The following GLDC variants were observed in gnomAD, a reference collection of about 807,000 sequenced individuals.
The protein encoded by GLDC is glycine dehydrogenase (decarboxylating), mitochondrial.
Under a neutral mutation model 121.3 loss-of-function variants are expected in GLDC, and 104 were observed. That is an observed-to-expected ratio of 0.86 (90% CI 0.73 to 1.01). The LOEUF (loss-of-function observed/expected upper bound fraction) is 1.01, where lower values mean the gene tolerates loss of function less well. Ranked by LOEUF, GLDC falls within the 50% of genes least tolerant of loss-of-function variation. The pLI is 0.00. For synonymous variants in GLDC, 546 were observed against 480.6 expected (o/e 1.14, Z -1.78); for missense variants, 1,429 against 1,306.6 (o/e 1.09, Z -1.44).
At chr9:6,602,231 T>C in intron 7 of GLDC, 26 bp from the exon 8 acceptor site, 1 of 1,318,948 alleles carries the variant, frequency 7.6e-7, no homozygotes, top group Non-Finnish European at 1.1e-6. Context: ...GGCATCCAGT[T>C]AGCACAGATA....
chr9:6,605,445 C>A, intron 5 of GLDC, 167 bp from the exon 6 acceptor site: 1 of 688,916 alleles, frequency 1.5e-6, no homozygotes, highest in Admixed American at 2.1e-5. Flanking sequence ...AACTACATCA[C>A]AGCAACTCAA....
chr9:6,543,807 C>T (rs1253184411), intron 21 of GLDC, among the ~76,000 whole-genome samples: 2 of 151,550 alleles, frequency 1.3e-5, no homozygotes, highest in Non-Finnish European at 2.9e-5. Context: ...ACCAACTTTT[C>T]GTGTTAACAG....
chr9:6,545,886 C>G (rs1277894741), intron 21 of GLDC, among the ~76,000 whole-genome samples: 1 of 152,166 alleles, frequency 6.6e-6, no homozygotes, highest in Non-Finnish European at 1.5e-5. Context: ...AGTGATCTGC[C>G]CGCCTCAGCC....
intron 2 of GLDC, among the ~76,000 whole-genome samples, chr9:6,642,999 G>C (rs1355320100): frequency 6.6e-6 from 1 of 151,884 alleles, no homozygotes; most frequent in Non-Finnish European, 1.5e-5. Flanking sequence ...CCCAGCTCAA[G>C]TGTTTCTGCC....
At chr9:6,572,836 T>C (rs1040367589) in intron 15 of GLDC, among the ~76,000 whole-genome samples, 2 of 152,246 alleles carry the variant, frequency 1.3e-5, no homozygotes, top group African/African-American at 4.8e-5. Context: ...CAAGCCATTT[T>C]CTGTTGTTTG....
In GLDC at chr9:6,532,955, T is replaced by C; in HGVS notation, c.*62A>G. ...GCTGGGGTGGGAGATGAAATCTTTCTTGCTTATCAAATGCTCTGGGGAGAG... is the reference window on the plus strand; with the variant it reads ...GCTGGGGTGGGAGATGAAATCTTTCCTGCTTATCAAATGCTCTGGGGAGAG... On this transcript the variant is annotated 3_prime_UTR_variant, in exon 25 of 25. Coordinates refer to ENST00000321612, the MANE Select transcript of GLDC (RefSeq NM_000170.3). 1 of 1,210,760 alleles carries C rather than the reference T, an allele frequency of 8.3e-7. No individual in the cohort carries two copies. The allele number at this position is 1,210,760 out of a possible 1,614,324, so 75.0% of individuals were successfully genotyped here.
chr9:6,598,110 C>A (rs1271588811), intron 8 of GLDC, among the ~76,000 whole-genome samples: 1 of 152,146 alleles, frequency 6.6e-6, no homozygotes, highest in African/African-American at 2.4e-5. Flanking sequence ...CTCACTGCAG[C>A]CTGGACCTCC....
intron 2 of GLDC, among the ~76,000 whole-genome samples, chr9:6,622,038 C>G (rs1048964895): frequency 2.6e-5 from 4 of 152,086 alleles, no homozygotes; most frequent in African/African-American, 9.7e-5. Flanking sequence ...AAACCTAAGA[C>G]AGCAAACTGG....
chr9:6,580,535 A>T (rs1818153488), intron 15 of GLDC, among the ~76,000 whole-genome samples: 1 of 152,094 alleles, frequency 6.6e-6, no homozygotes, highest in Admixed American at 6.5e-5. Flanking sequence ...GAAGCCCTCT[A>T]ATTAGACCTT....
At chr9:6,536,523 C>CA (rs965560709) in intron 22 of GLDC, among the ~76,000 whole-genome samples, 3 of 151,960 alleles carry the variant, frequency 2.0e-5, no homozygotes, top group Non-Finnish European at 2.9e-5. Flanking sequence ...GCTAAACATT[C>CA]AAAAATATTA....
intron 4 of GLDC, among the ~76,000 whole-genome samples, chr9:6,609,373 C>T (rs540081367): frequency 2.0e-5 from 3 of 152,136 alleles, no homozygotes; most frequent in Non-Finnish European, 4.4e-5. Flanking sequence ...TATGGCACTT[C>T]CATGTAAGTG....
chr9:6,604,366 G>A (rs1451506265), intron 7 of GLDC, among the ~76,000 whole-genome samples: 1 of 152,158 alleles, frequency 6.6e-6, no homozygotes, highest in Non-Finnish European at 1.5e-5. Context: ...TCGATACATT[G>A]TAAATTATAC....
At chr9:6,644,943 T>G (rs1367482276) in intron 1 of GLDC, 1 of 612,112 alleles carries the variant, frequency 1.6e-6, no homozygotes, top group Non-Finnish European at 2.9e-6. Context: ...CCACTCTTAA[T>G]CAGGGGGTCT....
At chr9:6,598,489 C>T (rs1038039924) in intron 8 of GLDC, among the ~76,000 whole-genome samples, 1 of 152,188 alleles carries the variant, frequency 6.6e-6, no homozygotes, top group African/African-American at 2.4e-5. Context: ...TGGACTCCCC[C>T]ACCCACCCCA....
intron 15 of GLDC, among the ~76,000 whole-genome samples, chr9:6,582,734 C>A (rs1309193940): frequency 6.6e-6 from 1 of 151,280 alleles, no homozygotes; most frequent in African/African-American, 2.4e-5. Context: ...GAGGGTGAGG[C>A]AGGAGAATGG....
At position 6,605,113 on chromosome 9, in the gene GLDC, C is replaced by T. The variant is rs1387226807; in HGVS notation, c.861+18G>A. ...GGGATACGCCTCCACGGACCCCCCACAAGAAAGGTATACCTACCCCACTCT... is the reference window on the plus strand; with the variant it reads ...GGGATACGCCTCCACGGACCCCCCATAAGAAAGGTATACCTACCCCACTCT... On this transcript the variant is annotated intron_variant, in intron 6 of 24. Transcript: ENST00000321612. 6.2e-7 allele frequency: 1 copy of T among 1,610,806 alleles called. No individual in the cohort carries two copies. The highest frequency in any genetic ancestry group is 8.5e-7 in the Non-Finnish European group (1 of 1,178,776).
chr9:6,547,560 C>T (rs1563832223), intron 21 of GLDC, among the ~76,000 whole-genome samples: 1 of 152,020 alleles, frequency 6.6e-6, no homozygotes, highest in East Asian at 1.9e-4. Flanking sequence ...AAAATTGAAG[C>T]CATACATGTC....
At chr9:6,550,349 G>A (rs1308754807) in intron 21 of GLDC, among the ~76,000 whole-genome samples, 2 of 152,156 alleles carry the variant, frequency 1.3e-5, no homozygotes, top group Non-Finnish European at 1.5e-5. Context: ...TGTTATGGCT[G>A]GGCGTGGTGG....
chr9:6,565,502 G>T, intron 15 of GLDC, 73 bp from the exon 16 acceptor site: 1 of 1,195,646 alleles, frequency 8.4e-7, no homozygotes, highest in Non-Finnish European at 1.3e-6. Flanking sequence ...TATTTATTGG[G>T]CCCTGGCCAG....
Sources: gnomAD v4.1 joint callset for allele counts (sites outside exome capture counted in the v4.1 genomes callset) on GRCh38, gnomAD v4.1.1 for gene constraint, MANE v1.5 for transcripts, NCBI Gene and HGNC (gene_info 2026-07-23, HGNC 2026-07-21) for gene names.